Variants in SLC9A9 observed in about 807,000 individuals in gnomAD.
SLC9A9 encodes sodium/hydrogen exchanger 9.
SLC9A9 carries 62 observed loss-of-function variants against 77.8 expected under a neutral mutation model. The ratio of observed to expected loss-of-function variants is 0.80; its 90% CI spans 0.65 to 0.98. The LOEUF (loss-of-function observed/expected upper bound fraction) is 0.98. Ranked by LOEUF, SLC9A9 falls within the 50% of genes least tolerant of loss-of-function variation. The pLI is 0.00. For missense variants in SLC9A9, 775 were observed against 774.9 expected (o/e 1.00, Z 0.00); for synonymous variants, 320 against 283.5 (o/e 1.13, Z -1.29).
Position 143,605,153 on chromosome 3 carries a change from T to C in SLC9A9, c.756-26430A>G, listed in dbSNP as rs531281303. Among the ~76,000 whole-genome samples, 236 of 152,292 alleles carry C rather than the reference T, an allele frequency of 1.5e-3. 1 individual carries two copies. The highest frequency in any genetic ancestry group is 5.4e-3 in the African/African-American group (224 of 41,564). On this transcript the variant is annotated intron_variant, in intron 6 of 15. Transcript: ENST00000316549. Reference sequence around the variant, plus strand: ...CCCCAAATAACAAATATACTTCCTTTGGAGCGCATCAAAAGAGCAGGGCCA... The same window carrying C: ...CCCCAAATAACAAATATACTTCCTTCGGAGCGCATCAAAAGAGCAGGGCCA...
intron 1 of SLC9A9, among the ~76,000 whole-genome samples, chr3:143,841,879 G>A (rs898864137): frequency 6.6e-5 from 10 of 151,546 alleles, no homozygotes; most frequent in South Asian, 2.1e-4. Context: ...TCGGCCTCCC[G>A]AGTAGCTCGG....
chr3:143,698,891 C>T (rs1190771842), intron 4 of SLC9A9, among the ~76,000 whole-genome samples: 1 of 152,198 alleles, frequency 6.6e-6, no homozygotes, highest in Non-Finnish European at 1.5e-5. Flanking sequence ...CTGTGTACAG[C>T]TTGCTCTGCA....
chr3:143,269,448 C>T, intron 14 of SLC9A9, among the ~76,000 whole-genome samples: 1 of 152,214 alleles, frequency 6.6e-6, no homozygotes, highest in Non-Finnish European at 1.5e-5. Flanking sequence ...TTCCAAAATA[C>T]TTACTTTTTC....
intron 9 of SLC9A9, among the ~76,000 whole-genome samples, chr3:143,525,763 C>T (rs762647116): frequency 6.6e-6 from 1 of 152,058 alleles, no homozygotes; most frequent in Non-Finnish European, 1.5e-5. Context: ...AATCAAAATC[C>T]ACAGGCTGTG....
intron 2 of SLC9A9, among the ~76,000 whole-genome samples, chr3:143,807,021 T>C (rs2008736151): frequency 6.6e-6 from 1 of 152,202 alleles, no homozygotes; most frequent in African/African-American, 2.4e-5. Context: ...CCCTTCCTCA[T>C]ACTGGCTCTC....
chr3:143,361,027 C>A (rs1338726183), intron 14 of SLC9A9, among the ~76,000 whole-genome samples: 1 of 152,214 alleles, frequency 6.6e-6, no homozygotes, highest in Non-Finnish European at 1.5e-5. Context: ...TGCCTAAGGA[C>A]TGCAGTATTA....
chr3:143,810,040 AC>A (rs1312735860), intron 2 of SLC9A9, among the ~76,000 whole-genome samples: 2 of 152,254 alleles, frequency 1.3e-5, no homozygotes, highest in African/African-American at 4.8e-5. Context: ...TCTTATGAAA[AC>A]AGTGAGATTT....
chr3:143,842,536 GT>G (rs750077792), intron 1 of SLC9A9, among the ~76,000 whole-genome samples: 5 of 152,164 alleles, frequency 3.3e-5, no homozygotes, highest in South Asian at 2.1e-4. Flanking sequence ...TAAAAATCAA[GT>G]TTTTTACACC....
chr3:143,603,976 A>G (rs994304120), intron 6 of SLC9A9, among the ~76,000 whole-genome samples: 8 of 152,214 alleles, frequency 5.3e-5, no homozygotes, highest in African/African-American at 1.9e-4. Context: ...CTATGACGTC[A>G]CTTCATGCTT....
intron 11 of SLC9A9, among the ~76,000 whole-genome samples, chr3:143,479,319 T>C (rs1183572316): frequency 6.6e-6 from 1 of 152,020 alleles, no homozygotes; most frequent in East Asian, 1.9e-4. Context: ...TGATCATAGT[T>C]CACTGCAGCC....
chr3:143,318,754 C>T (rs1422121967), intron 14 of SLC9A9, among the ~76,000 whole-genome samples: 2 of 152,070 alleles, frequency 1.3e-5, no homozygotes, highest in Admixed American at 1.3e-4. Flanking sequence ...ATAAGACCCC[C>T]TGTCTACACA....
At chr3:143,431,074 T>C (rs1021288360) in intron 12 of SLC9A9, among the ~76,000 whole-genome samples, 2 of 152,158 alleles carry the variant, frequency 1.3e-5, no homozygotes, top group African/African-American at 4.8e-5. Context: ...TTAGGCCACA[T>C]AGTTGGGCAT....
At chr3:143,640,368 C>T (rs2038601369) in intron 6 of SLC9A9, among the ~76,000 whole-genome samples, 2 of 152,186 alleles carry the variant, frequency 1.3e-5, no homozygotes, top group South Asian at 2.1e-4. Flanking sequence ...CCACTTCTGC[C>T]TCATGTGTAC....
At chr3:143,693,167 G>T in intron 5 of SLC9A9, 25 bp downstream of exon 5, 1 of 1,544,738 alleles carries the variant, frequency 6.5e-7, no homozygotes, top group Non-Finnish European at 8.9e-7. Context: ...CTTAAAAGAA[G>T]AAAATATATT....
At chr3:143,293,756 C>G (rs1480407521) in intron 14 of SLC9A9, among the ~76,000 whole-genome samples, 1 of 152,204 alleles carries the variant, frequency 6.6e-6, no homozygotes, top group East Asian at 1.9e-4. Context: ...TGGGTAGTCT[C>G]AGAGTCAAAA....
chr3:143,762,551 G>A (rs752725221), intron 4 of SLC9A9, among the ~76,000 whole-genome samples: 3 of 152,092 alleles, frequency 2.0e-5, no homozygotes, highest in Non-Finnish European at 4.4e-5. Context: ...TTAGTAGTGT[G>A]GTGATCACCA....
intron 4 of SLC9A9, among the ~76,000 whole-genome samples, chr3:143,704,825 T>A (rs1297414381): frequency 6.6e-6 from 1 of 152,032 alleles, no homozygotes; most frequent in African/African-American, 2.4e-5. Flanking sequence ...AAACCCCATC[T>A]CTACTAAAAA....
chr3:143,397,442 A>G (rs1437769957), intron 12 of SLC9A9, among the ~76,000 whole-genome samples: 1 of 152,228 alleles, frequency 6.6e-6, no homozygotes, highest in Non-Finnish European at 1.5e-5. Flanking sequence ...TAGTTGTAGG[A>G]GCTTTATATG....
rs149844033 is a variant in SLC9A9, at chr3:143,335,855, A to C, written c.1604+27629T>G. 4.2e-4 allele frequency among the ~76,000 whole-genome samples: 64 copies of C among 152,286 alleles called. No homozygotes were observed. In the East Asian group the frequency reaches 8.9e-3, roughly 21 times the overall value. ...GCCTTTATGATATTGGACTCAAATG[A>C]TTTCTTGGATATAGCATCAAAAGCA... On this transcript the variant is annotated intron_variant, in intron 14 of 15. Transcript: ENST00000316549.
Sources: allele counts gnomAD v4.1 joint callset (sites outside exome capture counted in the v4.1 genomes callset), GRCh38; gene constraint gnomAD v4.1.1; transcripts MANE v1.5; gene names NCBI Gene and HGNC (gene_info 2026-07-23, HGNC 2026-07-21).